The following DLG2 variants were observed in gnomAD, a reference collection of about 807,000 sequenced individuals.
DLG2 encodes the protein discs large MAGUK scaffold protein 2.
In DLG2, 45 loss-of-function variants were observed where a neutral mutation model predicts 132.5. That is an observed-to-expected ratio of 0.34 (90% CI 0.27 to 0.44). DLG2 has a LOEUF of 0.44. Among genes scored for constraint, DLG2 ranks in the 20% least tolerant of loss-of-function variants. The pLI is 1.00. For missense variants in DLG2, 1,045 were observed against 1,196.9 expected (o/e 0.87, Z 1.87); for synonymous variants, 424 against 419.6 (o/e 1.01, Z -0.13).
intron 11 of DLG2, among the ~76,000 whole-genome samples, chr11:84,037,845 T>C (rs140435368): frequency 0.014 from 2,195 of 152,266 alleles, 22 homozygotes; most frequent in Non-Finnish European, 0.023. Context: ...CTGGTTATAA[T>C]TTCATGGTAC....
At chr11:85,310,287 A>G (rs1185241586) in intron 3 of DLG2, among the ~76,000 whole-genome samples, 1 of 152,180 alleles carries the variant, frequency 6.6e-6, no homozygotes, top group Non-Finnish European at 1.5e-5. Flanking sequence ...TCCTGGGTGG[A>G]CAAAATATTG....
intron 4 of DLG2, among the ~76,000 whole-genome samples, chr11:85,228,553 C>G (rs1274323330): frequency 6.6e-6 from 1 of 152,014 alleles, no homozygotes; most frequent in Non-Finnish European, 1.5e-5. Context: ...AGTTTAGTTT[C>G]CCTTTATCAT....
intron 3 of DLG2, among the ~76,000 whole-genome samples, chr11:85,385,209 C>T (rs1200752889): frequency 6.6e-6 from 1 of 152,096 alleles, no homozygotes; most frequent in East Asian, 1.9e-4. Context: ...GTCAGTGGCT[C>T]TCAAATAATA....
intron 18 of DLG2, among the ~76,000 whole-genome samples, chr11:83,693,234 G>A (rs1033382287): frequency 1.4e-4 from 22 of 152,176 alleles, no homozygotes; most frequent in African/African-American, 5.3e-4. Flanking sequence ...TAGATTGGCT[G>A]ACCATGCTGG....
intron 3 of DLG2, among the ~76,000 whole-genome samples, chr11:85,574,478 C>T (rs1042072569): frequency 2.6e-5 from 4 of 151,888 alleles, no homozygotes; most frequent in African/African-American, 4.8e-5. Context: ...CTTATACCTG[C>T]CACCCAATCC....
At chr11:85,386,463 A>G (rs1190394053) in intron 3 of DLG2, among the ~76,000 whole-genome samples, 2 of 151,850 alleles carry the variant, frequency 1.3e-5, no homozygotes, top group Admixed American at 6.6e-5. Flanking sequence ...TGCTTTTCTG[A>G]TTTTTTTTCT....
intron 11 of DLG2, among the ~76,000 whole-genome samples, chr11:84,036,358 T>C (rs1328708011): frequency 6.6e-6 from 1 of 152,134 alleles, no homozygotes; most frequent in Non-Finnish European, 1.5e-5. Flanking sequence ...GAAAATGAAA[T>C]GTTGTTGCTA....
intron 6 of DLG2, among the ~76,000 whole-genome samples, chr11:84,948,598 A>G (rs1186038465): frequency 2.0e-5 from 3 of 152,224 alleles, no homozygotes; most frequent in African/African-American, 7.2e-5. Flanking sequence ...AGCACATTTT[A>G]TCATACAGTA....
At chr11:84,265,946 T>C (rs1432953677) in intron 7 of DLG2, among the ~76,000 whole-genome samples, 1 of 152,292 alleles carries the variant, frequency 6.6e-6, no homozygotes, top group South Asian at 2.1e-4. Context: ...AGGACTGCCA[T>C]TATTAACTCT....
chr11:84,452,301 G>A (rs1490632745), intron 7 of DLG2, among the ~76,000 whole-genome samples: 2 of 151,766 alleles, frequency 1.3e-5, no homozygotes, highest in Non-Finnish European at 2.9e-5. Context: ...AGCTAGACAG[G>A]TAGGTGAAGG....
At chr11:84,660,904 T>C (rs1469537186) in intron 6 of DLG2, among the ~76,000 whole-genome samples, 1 of 152,176 alleles carries the variant, frequency 6.6e-6, no homozygotes, top group Non-Finnish European at 1.5e-5. Flanking sequence ...TCATCGCATG[T>C]TATAAATAAA....
chr11:84,721,981 T>C (rs1253885838), intron 6 of DLG2, among the ~76,000 whole-genome samples: 1 of 152,048 alleles, frequency 6.6e-6, no homozygotes, highest in African/African-American at 2.4e-5. Flanking sequence ...ATTTGACATA[T>C]TTTTTTTCTA....
At chr11:84,548,479 T>G (rs1021809191) in intron 6 of DLG2, among the ~76,000 whole-genome samples, 2 of 140,726 alleles carry the variant, frequency 1.4e-5, no homozygotes, top group Non-Finnish European at 3.1e-5. Flanking sequence ...CCCCTTCCTG[T>G]GTCCATGTGT....
At chr11:84,748,527 C>T (rs1283481546) in intron 6 of DLG2, among the ~76,000 whole-genome samples, 1 of 152,048 alleles carries the variant, frequency 6.6e-6, no homozygotes, top group South Asian at 2.1e-4. Flanking sequence ...TTACTGAGCC[C>T]CTACTTTGTG....
intron 19 of DLG2, among the ~76,000 whole-genome samples, chr11:83,605,122 A>G (rs1222216559): frequency 1.3e-5 from 2 of 152,096 alleles, no homozygotes; most frequent in African/African-American, 4.8e-5. Context: ...ATTTAACCCT[A>G]TGAGGAGGAC....
intron 18 of DLG2, among the ~76,000 whole-genome samples, chr11:83,701,426 C>A (rs1250822579): frequency 6.6e-6 from 1 of 152,102 alleles, no homozygotes; most frequent in Non-Finnish European, 1.5e-5. Flanking sequence ...TCATAAACAT[C>A]TATCTTTGTA....
intron 11 of DLG2, among the ~76,000 whole-genome samples, chr11:83,992,096 C>T (rs2093750644): frequency 6.6e-6 from 1 of 152,164 alleles, no homozygotes; most frequent in African/African-American, 2.4e-5. Flanking sequence ...AAGCGTGGAA[C>T]AAACTCTTGC....
intron 7 of DLG2, among the ~76,000 whole-genome samples, chr11:84,454,570 C>T (rs776403286): frequency 6.6e-6 from 1 of 151,044 alleles, no homozygotes; most frequent in African/African-American, 2.4e-5. Context: ...TTTCAATATC[C>T]CAAAACTGGA....
At chr11:84,281,292 CA>C (rs749018284) in intron 7 of DLG2, among the ~76,000 whole-genome samples, 11 of 151,870 alleles carry the variant, frequency 7.2e-5, no homozygotes, top group Non-Finnish European at 1.6e-4. Context: ...ACTGATAAAT[CA>C]GACATCATTA....
Sources: gnomAD v4.1 joint callset for allele counts (sites outside exome capture counted in the v4.1 genomes callset) on GRCh38, gnomAD v4.1.1 for gene constraint, MANE v1.5 for transcripts, NCBI Gene and HGNC (gene_info 2026-07-23, HGNC 2026-07-21) for gene names.